Variants in MON2 observed in about 807,000 individuals in gnomAD.
The protein encoded by MON2 is MON2 regulator of endosome-to-Golgi trafficking, also known as protein MON2 homolog.
In MON2, 84 loss-of-function variants were observed where a neutral mutation model predicts 208.6. The observed-to-expected ratio is 0.40, with a 90% confidence interval of 0.34 to 0.48. The LOEUF is 0.48. Ranked by LOEUF, MON2 falls within the 20% of genes least tolerant of loss-of-function variation. The pLI is 0.59. For synonymous variants in MON2, 660 were observed against 694.0 expected (o/e 0.95, Z 0.77); for missense variants, 1,611 against 2,015.4 (o/e 0.80, Z 3.84).
chr12:62,551,064 C>T (rs919105586), intron 23 of MON2, among the ~76,000 whole-genome samples: 1 of 151,730 alleles, frequency 6.6e-6, no homozygotes, highest in Admixed American at 6.6e-5. Flanking sequence ...GAATTATAGG[C>T]GCCCGCCATG....
intron 4 of MON2, among the ~76,000 whole-genome samples, 156 bp downstream of exon 4, chr12:62,495,303 A>T (rs2070407494): frequency 6.6e-6 from 1 of 152,064 alleles, no homozygotes; most frequent in African/African-American, 2.4e-5. Context: ...TTGGTACCTT[A>T]TTTTTTCCAG....
chr12:62,587,597 G>A (rs1172748061), intron 33 of MON2, among the ~76,000 whole-genome samples: 2 of 151,400 alleles, frequency 1.3e-5, no homozygotes, highest in Admixed American at 6.6e-5. Flanking sequence ...AAAAAAATTA[G>A]CCAGACAATG....
At chr12:62,468,176 AAAAC>A (rs2068605625) in intron 1 of MON2, among the ~76,000 whole-genome samples, 1 of 151,276 alleles carries the variant, frequency 6.6e-6, no homozygotes. Context: ...AACAAACAAA[AAAAC>A]CCACCAAAAA....
chr12:62,541,110 G>A (rs1358422096), intron 19 of MON2, among the ~76,000 whole-genome samples: 1 of 152,132 alleles, frequency 6.6e-6, no homozygotes, highest in African/African-American at 2.4e-5. Flanking sequence ...GGCTGAGCGT[G>A]GTGGCTTACG....
In MON2 at chr12:62,580,348, A is replaced by G. The variant is rs945030007; in HGVS notation, c.4627A>G (p.Lys1543Glu). The change falls in exon 32 of 35, where the codon AAG becomes GAG. Residue 1543 changes from lysine to glutamate, a missense_variant. Transcript: ENST00000393630. ...EILPYANFIP[K>E]EFVGQIMTML... ...ACTACCTTATGCCAATTTTATTCCT[A>G]AGGAATTTGTTGGTCAAATAATGAC... is the stretch of plus-strand genomic sequence containing the variant. 4.4e-6 allele frequency: 7 copies of G among 1,608,678 alleles called. No homozygotes were observed. Among genetic ancestry groups the G allele is most frequent in the Non-Finnish European group, 6.0e-6 (7 of 1,175,670 alleles).
chr12:62,507,929 T>C (rs948093147), intron 7 of MON2, among the ~76,000 whole-genome samples: 7 of 151,998 alleles, frequency 4.6e-5, no homozygotes, highest in Non-Finnish European at 1.0e-4. Flanking sequence ...CCACCATACC[T>C]GGCTAATTTT....
chr12:62,499,260 A>G (rs1198934420), intron 5 of MON2, among the ~76,000 whole-genome samples: 1 of 152,184 alleles, frequency 6.6e-6, no homozygotes, highest in Non-Finnish European at 1.5e-5. Flanking sequence ...AAATATGATA[A>G]TTTCACATTT....
rs2075441665 is a variant in MON2, at chr12:62,592,918, C to T, written c.*169C>T. ...CAGTAATTCATATTACAGGCTTGCA[C>T]ATCAACAAAGGCTCCTGAATGAACA... is the stretch of plus-strand genomic sequence containing the variant. On this transcript the variant is annotated 3_prime_UTR_variant, in exon 35 of 35. Transcript: ENST00000393630. 1 of 584,346 alleles carries T rather than the reference C, an allele frequency of 1.7e-6. No individual in the cohort carries two copies. The highest frequency in any genetic ancestry group is 2.8e-6 in the Non-Finnish European group (1 of 351,262). 36.2% of individuals were successfully genotyped at this position (584,346 alleles called of 1,614,324 possible). A position where few individuals can be genotyped will look rare whatever the true frequency, so the allele number is the denominator to read the frequency against.
In MON2 at chr12:62,581,485, C is replaced by G. The variant is rs151299059; in HGVS notation, c.4699+1065C>G. On this transcript the variant is annotated intron_variant, in intron 32 of 34. Coordinates refer to ENST00000393630, the MANE Select transcript of MON2 (RefSeq NM_015026.3). ...GTGGGATGGCTTGAGCCCAGGAGGCCGAGGTGACGGAGTTATGATTGTACC... is the reference window on the plus strand; with the variant it reads ...GTGGGATGGCTTGAGCCCAGGAGGCGGAGGTGACGGAGTTATGATTGTACC... Among the ~76,000 whole-genome samples, 729 of 152,128 alleles carry G rather than the reference C, an allele frequency of 4.8e-3. 2 individuals are homozygous for G. The highest frequency in any genetic ancestry group is 7.3e-3 in the Non-Finnish European group (498 of 68,000).
At chr12:62,471,435 C>T (rs569786835) in intron 1 of MON2, among the ~76,000 whole-genome samples, 13 of 152,250 alleles carry the variant, frequency 8.5e-5, no homozygotes, top group Non-Finnish European at 1.6e-4. Flanking sequence ...CTGCCCGCCT[C>T]GGCCTCCCAA....
At chr12:62,518,102 A>G (rs2136154311) in intron 8 of MON2, among the ~76,000 whole-genome samples, 1 of 152,228 alleles carries the variant, frequency 6.6e-6, no homozygotes, top group African/African-American at 2.4e-5. Context: ...CTGTCTTCTC[A>G]TTTTATTCTT....
chr12:62,503,885 A>G (rs2070966151), intron 7 of MON2, among the ~76,000 whole-genome samples: 1 of 152,024 alleles, frequency 6.6e-6, no homozygotes, highest in African/African-American at 2.4e-5. Flanking sequence ...TAAAATGGCA[A>G]CCTTTTTTCC....
chr12:62,553,786 C>T (rs990353650), intron 24 of MON2, among the ~76,000 whole-genome samples: 1 of 152,098 alleles, frequency 6.6e-6, no homozygotes, highest in African/African-American at 2.4e-5. Flanking sequence ...CTAAAAGTCT[C>T]ATCTTTTTTG....
intron 8 of MON2, among the ~76,000 whole-genome samples, chr12:62,512,156 G>A (rs539208345): frequency 5.3e-5 from 8 of 152,056 alleles, no homozygotes; most frequent in Non-Finnish European, 8.8e-5. Context: ...ATATCATTCC[G>A]CCCCTGGCCT....
At position 62,538,407 on chromosome 12, in the gene MON2, CT is replaced by C. The variant is rs1181566823; in HGVS notation, c.2274-3del. The C allele has an allele frequency of 3.7e-6, 6 of 1,604,072 alleles. No homozygotes were observed. The highest frequency in any genetic ancestry group is 1.7e-4 in the Middle Eastern group (1 of 6,028). On this transcript the variant is annotated splice_polypyrimidine_tract_variant and splice_region_variant and intron_variant, in intron 18 of 34. Transcript: ENST00000393630. ...TCAAGATGTCTTATTTCTTCATTTC[CT>C]TTTTAGGTATCTTGATGATGTATCA...
intron 33 of MON2, among the ~76,000 whole-genome samples, chr12:62,586,541 T>C (rs2075226218): frequency 6.6e-6 from 1 of 152,236 alleles, no homozygotes; most frequent in Non-Finnish European, 1.5e-5. Context: ...TGTGGTACTT[T>C]GCTTTCATTT....
intron 33 of MON2, among the ~76,000 whole-genome samples, chr12:62,587,578 T>A (rs1275367490): frequency 7.8e-5 from 11 of 141,040 alleles, no homozygotes; most frequent in Admixed American, 7.1e-5. Context: ...GTTTCTACTT[T>A]AAAAAAAAAA....
intron 32 of MON2, among the ~76,000 whole-genome samples, chr12:62,582,387 T>G (rs1439686652): frequency 2.0e-5 from 3 of 152,194 alleles, no homozygotes; most frequent in Non-Finnish European, 2.9e-5. Flanking sequence ...CTGGGAAGCT[T>G]CACGTGAGAG....
chr12:62,596,460 C>T lies in MON2; in HGVS notation c.*3711C>T, dbSNP rs530221862. Reference sequence around the variant, plus strand: ...CAGAGAAAACTACCACAGATGTAGACAAAAATGATCTCTGAAAGCATTGCC... The same window carrying T: ...CAGAGAAAACTACCACAGATGTAGATAAAAATGATCTCTGAAAGCATTGCC... On this transcript the variant is annotated 3_prime_UTR_variant, in exon 35 of 35. Coordinates refer to ENST00000393630, the MANE Select transcript of MON2 (RefSeq NM_015026.3). 1.1e-4 allele frequency: 16 copies of T among 152,292 alleles called. No homozygotes were observed. Among genetic ancestry groups the T allele is most frequent in the African/African-American group, 3.8e-4 (16 of 41,572 alleles). The allele number at this position is 152,292 out of a possible 1,614,324, so 9.4% of individuals were successfully genotyped here. A position where few individuals can be genotyped will look rare whatever the true frequency, so the allele number is the denominator to read the frequency against.
Sources: allele counts gnomAD v4.1 joint callset (sites outside exome capture counted in the v4.1 genomes callset), GRCh38; gene constraint gnomAD v4.1.1; transcripts MANE v1.5; gene names NCBI Gene and HGNC (gene_info 2026-07-23, HGNC 2026-07-21).